The following RTN4IP1 variants were observed in gnomAD, a reference collection of about 807,000 sequenced individuals.
RTN4IP1 encodes the protein NAD(P)H oxidoreductase RTN4IP1, mitochondrial.
In RTN4IP1, 32 loss-of-function variants were observed where a neutral mutation model predicts 46.6. That is an observed-to-expected ratio of 0.69 (90% CI 0.52 to 0.92). The LOEUF (loss-of-function observed/expected upper bound fraction) is 0.92. Among genes scored for constraint, RTN4IP1 ranks in the 40% least tolerant of loss-of-function variants. RTN4IP1 has a pLI of 0.00. For synonymous variants in RTN4IP1, 167 were observed against 161.8 expected (o/e 1.03, Z -0.24); for missense variants, 424 against 485.8 (o/e 0.87, Z 1.20).
At chr6:106,574,762 C>T (rs1582853507) in intron 8 of RTN4IP1, among the ~76,000 whole-genome samples, 1 of 152,330 alleles carries the variant, frequency 6.6e-6, no homozygotes. Context: ...TGACAAAGTG[C>T]CTGCCTCCTA....
intron 4 of RTN4IP1, among the ~76,000 whole-genome samples, chr6:106,616,404 T>C (rs1776357941): frequency 6.6e-6 from 1 of 152,188 alleles, no homozygotes; most frequent in African/African-American, 2.4e-5. Context: ...AAATAAGCTG[T>C]TTGTTATAAA....
chr6:106,612,443 CAG>C (rs946424636), intron 4 of RTN4IP1, among the ~76,000 whole-genome samples: 3 of 122,862 alleles, frequency 2.4e-5, no homozygotes, highest in Non-Finnish European at 3.4e-5. Context: ...GGGCATAAGA[CAG>C]AGAGAAGTAG....
intron 8 of RTN4IP1, 92 bp from the exon 9 acceptor site, chr6:106,572,195 C>A: frequency 4.9e-6 from 5 of 1,011,326 alleles, no homozygotes; most frequent in East Asian, 2.4e-5. Context: ...CGGTGTCCCT[C>A]AAGCCACAGT....
At chr6:106,629,852 C>T, upstream of RTN4IP1, 1 of 973,662 alleles carries the variant, frequency 1.0e-6, no homozygotes, top group Non-Finnish European at 1.5e-6. Context: ...CCTTTCGATT[C>T]TTCGGGTGTA....
intron 1 of RTN4IP1, among the ~76,000 whole-genome samples, chr6:106,623,718 T>C (rs974872757): frequency 5.3e-5 from 8 of 152,244 alleles, no homozygotes; most frequent in Non-Finnish European, 1.5e-5. Flanking sequence ...TTTAGTATTA[T>C]CTTTTATACA....
At chr6:106,586,886 G>A (rs369165842) in intron 7 of RTN4IP1, among the ~76,000 whole-genome samples, 3 of 152,234 alleles carry the variant, frequency 2.0e-5, no homozygotes, top group Admixed American at 6.5e-5. Context: ...TCCAAGGCCC[G>A]CCACTCACCG....
intron 1 of RTN4IP1, among the ~76,000 whole-genome samples, chr6:106,627,426 G>A (rs1776675436): frequency 6.6e-6 from 1 of 152,118 alleles, no homozygotes; most frequent in Non-Finnish European, 1.5e-5. Flanking sequence ...GTTATCTTAA[G>A]TCAGAACAAA....
In RTN4IP1 at chr6:106,572,112, C is replaced by T. The variant is rs778962237; in HGVS notation, c.1084-9G>A. On this transcript the variant is annotated splice_polypyrimidine_tract_variant and intron_variant, in intron 8 of 8. Transcript: ENST00000369063. ...TCAATAACTGGCCGGATCTGTAAAA[C>T]ATAAGAGGTTGACCGGTGGATAAAA... 3 of 1,603,164 alleles carry T rather than the reference C, an allele frequency of 1.9e-6. No individual in the cohort carries two copies. The South Asian group carries it at 3.3e-5, about 18-fold the overall frequency.
At chr6:106,620,167 C>T (rs1287226014) in intron 3 of RTN4IP1, among the ~76,000 whole-genome samples, 1 of 151,906 alleles carries the variant, frequency 6.6e-6, no homozygotes, top group African/African-American at 2.4e-5. Context: ...CAGCTCACTG[C>T]AACCTCTGCT....
At chr6:106,592,403 C>T in intron 5 of RTN4IP1, 103 bp from the exon 6 acceptor site, 1 of 1,201,604 alleles carries the variant, frequency 8.3e-7, no homozygotes, top group Non-Finnish European at 1.2e-6. Flanking sequence ...ATATATCAGA[C>T]TAATCTCTAG....
chr6:106,571,650 C>A lies in RTN4IP1; in HGVS notation c.*346G>T. The A allele has an allele frequency of 4.4e-6, 1 of 225,066 alleles. No homozygotes were observed. Among genetic ancestry groups the A allele is most frequent in the Non-Finnish European group, 8.9e-6 (1 of 111,924 alleles). 13.9% of individuals were successfully genotyped at this position (225,066 alleles called of 1,614,324 possible). Reference sequence around the variant, plus strand: ...AGGCTGCAGTGAGCTGTGATTGTGCCACTGCACTCCAGCCTGGGTGACACA... The same window carrying A: ...AGGCTGCAGTGAGCTGTGATTGTGCAACTGCACTCCAGCCTGGGTGACACA... On this transcript the variant is annotated 3_prime_UTR_variant, in exon 9 of 9. Transcript: ENST00000369063.
At chr6:106,599,772 T>C (rs7756852) in intron 5 of RTN4IP1, among the ~76,000 whole-genome samples, 107,471 of 151,544 alleles carry the variant, frequency 0.71, 39,468 homozygotes, top group Non-Finnish European at 0.81. Flanking sequence ...ACATATCTTT[T>C]GGTAAACATA....
At chr6:106,598,957 A>T (rs922355403) in intron 5 of RTN4IP1, among the ~76,000 whole-genome samples, 1 of 151,908 alleles carries the variant, frequency 6.6e-6, no homozygotes, top group African/African-American at 2.4e-5. Flanking sequence ...AGTTCCTCTT[A>T]GTTTAGTCTT....
At chr6:106,621,144 T>G (rs1370122937) in intron 3 of RTN4IP1, among the ~76,000 whole-genome samples, 1 of 151,878 alleles carries the variant, frequency 6.6e-6, no homozygotes, top group East Asian at 1.9e-4. Context: ...CTATATCTGT[T>G]TTCAACTATT....
rs200796995 is a variant in RTN4IP1 at position 106,616,471 on chromosome 6, G to GT, written c.620+2730dup. On this transcript the variant is annotated intron_variant, in intron 4 of 8. Transcript: ENST00000369063. ...AGGTGTTTTTGTCATTGTTAATTTT[G>GT]TTTTTTTTTAATTAACTGATTAGAA... Among the ~76,000 whole-genome samples, 294 of 150,278 alleles carry GT rather than the reference G, an allele frequency of 2.0e-3. 2 individuals carry two copies. The highest frequency in any genetic ancestry group is 6.8e-3 in the African/African-American group (280 of 40,886).
At chr6:106,614,569 T>TG (rs1416951238) in intron 4 of RTN4IP1, among the ~76,000 whole-genome samples, 1 of 152,122 alleles carries the variant, frequency 6.6e-6, no homozygotes, top group Non-Finnish European at 1.5e-5. Flanking sequence ...TTTAAAGGGC[T>TG]GGAGGAAGAA....
intron 4 of RTN4IP1, among the ~76,000 whole-genome samples, chr6:106,611,582 T>C (rs77166881): frequency 0.073 from 11,155 of 152,290 alleles, 605 homozygotes; most frequent in East Asian, 0.21. Flanking sequence ...GAAACACACA[T>C]GACTTTTAAA....
intron 8 of RTN4IP1, among the ~76,000 whole-genome samples, chr6:106,578,914 CTTTTT>C (rs71752160): frequency 6.9e-6 from 1 of 144,962 alleles, no homozygotes; most frequent in Non-Finnish European, 1.5e-5. Context: ...TCTTCTTCTT[CTTTTT>C]TTTTTTTTTA....
At chr6:106,606,122 C>T (rs9480692) in intron 4 of RTN4IP1, among the ~76,000 whole-genome samples, 103,938 of 152,068 alleles carry the variant, frequency 0.68, 37,399 homozygotes, top group Non-Finnish European at 0.81. Flanking sequence ...ACAAAATCAA[C>T]ATACAAAAAT....
Sources: allele counts gnomAD v4.1 joint callset (sites outside exome capture counted in the v4.1 genomes callset), GRCh38; gene constraint gnomAD v4.1.1; transcripts MANE v1.5; gene names NCBI Gene and HGNC (gene_info 2026-07-23, HGNC 2026-07-21).